GPR158: variants seen among roughly 807,000 people sequenced by gnomAD.
GPR158 encodes G protein-coupled receptor 158, also known as metabotropic glycine receptor.
A neutral mutation model predicts 78.2 loss-of-function variants in GPR158; 30 were observed. That is an observed-to-expected ratio of 0.38 (90% confidence interval 0.29 to 0.52). The LOEUF is 0.52. GPR158 is among the 20% of genes least tolerant of loss of function. GPR158 has a pLI of 0.83. For synonymous variants in GPR158, 581 were observed against 591.1 expected (o/e 0.98, Z 0.25); for missense variants, 1,463 against 1,523.5 (o/e 0.96, Z 0.66).
intron 2 of GPR158, among the ~76,000 whole-genome samples, chr10:25,350,533 C>T (rs904589316): frequency 6.6e-6 from 1 of 151,988 alleles, no homozygotes; most frequent in Non-Finnish European, 1.5e-5. Context: ...CTTGACTTAG[C>T]CCCGTTGGTC....
intron 7 of GPR158, among the ~76,000 whole-genome samples, chr10:25,587,706 G>C (rs1837289609): frequency 6.6e-6 from 1 of 152,182 alleles, no homozygotes; most frequent in East Asian, 1.9e-4. Flanking sequence ...CTCATGGAGA[G>C]TTTGGAGTGA....
chr10:25,540,735 T>G (rs1330406476), intron 5 of GPR158, among the ~76,000 whole-genome samples: 1 of 150,788 alleles, frequency 6.6e-6, no homozygotes, highest in Non-Finnish European at 1.5e-5. Flanking sequence ...AGGTGGGAAT[T>G]GAACAATGAG....
chr10:25,198,458 C>A (rs961947536), intron 1 of GPR158, among the ~76,000 whole-genome samples: 9 of 152,106 alleles, frequency 5.9e-5, no homozygotes, highest in Admixed American at 2.0e-4. Context: ...TCAGGTCTTA[C>A]AATTTACATT....
At chr10:25,241,173 CTTTCTTTCT>C in intron 2 of GPR158, among the ~76,000 whole-genome samples, 2 of 98,606 alleles carry the variant, frequency 2.0e-5, no homozygotes, top group Non-Finnish European at 4.1e-5. Flanking sequence ...TTCTTTCTTT[CTTTCTTTCT>C]TTCTTTCCTT....
intron 2 of GPR158, among the ~76,000 whole-genome samples, chr10:25,252,588 G>T (rs1386216780): frequency 6.6e-6 from 1 of 151,706 alleles, no homozygotes; most frequent in Non-Finnish European, 1.5e-5. Flanking sequence ...AGGTGTCAGT[G>T]TGCCCCTGCT....
At chr10:25,255,202 T>C (rs1588761259) in intron 2 of GPR158, among the ~76,000 whole-genome samples, 1 of 152,350 alleles carries the variant, frequency 6.6e-6, no homozygotes, top group East Asian at 1.9e-4. Context: ...TTGACAATTA[T>C]AGCTGAATTT....
intron 2 of GPR158, among the ~76,000 whole-genome samples, chr10:25,295,350 G>A (rs1854496550): frequency 6.6e-6 from 1 of 152,216 alleles, no homozygotes; most frequent in African/African-American, 2.4e-5. Context: ...ATCAGCCAGA[G>A]TAACTGACTT....
intron 3 of GPR158, among the ~76,000 whole-genome samples, chr10:25,401,879 A>G (rs559647564): frequency 2.1e-3 from 326 of 152,290 alleles, no homozygotes; most frequent in Non-Finnish European, 3.3e-3. Flanking sequence ...TTCTTACACA[A>G]AATCATAATG....
At chr10:25,376,182 A>G (rs1410934) in intron 2 of GPR158, among the ~76,000 whole-genome samples, 100,032 of 151,296 alleles carry the variant, frequency 0.66, 34,134 homozygotes, top group Non-Finnish European at 0.75. Flanking sequence ...TATAAATGGT[A>G]TTGTGATTTT....
intron 2 of GPR158, among the ~76,000 whole-genome samples, chr10:25,370,763 T>G (rs1833976692): frequency 6.6e-6 from 1 of 150,526 alleles, no homozygotes; most frequent in Admixed American, 6.6e-5. Context: ...ATTTTGACAG[T>G]GGGGTGTTAA....
Position 25,286,360 on chromosome 10 carries a change from C to A in GPR158, c.1008+65203C>A, listed in dbSNP as rs78404970. Among the ~76,000 whole-genome samples the A allele has an allele frequency of 7.7e-3, 1,176 of 152,240 alleles. 12 individuals carry two copies. The highest frequency in any genetic ancestry group is 0.02 in the South Asian group (97 of 4,816). ...GTTTCCTTATTTGGCTCTGTCAAGT[C>A]TACTGATTAGACTATCAAAGGCATT... is the stretch of plus-strand genomic sequence containing the variant. On this transcript the variant is annotated intron_variant, in intron 2 of 10. Transcript: ENST00000376351.
chr10:25,185,157 A>G (rs1852664101), intron 1 of GPR158, among the ~76,000 whole-genome samples: 1 of 152,180 alleles, frequency 6.6e-6, no homozygotes, highest in Admixed American at 6.5e-5. Flanking sequence ...AGGGGAGCAC[A>G]TATGATACAT....
At chr10:25,479,205 A>C (rs1835629991) in intron 5 of GPR158, among the ~76,000 whole-genome samples, 1 of 152,098 alleles carries the variant, frequency 6.6e-6, no homozygotes, top group Admixed American at 6.6e-5. Flanking sequence ...GATCTTTCTA[A>C]AGTTAAAAAA....
At chr10:25,365,507 G>C (rs1308146750) in intron 2 of GPR158, among the ~76,000 whole-genome samples, 1 of 151,656 alleles carries the variant, frequency 6.6e-6, no homozygotes, top group East Asian at 1.9e-4. Flanking sequence ...AGTATTTGGT[G>C]CATGCAAACA....
chr10:25,433,568 TGTGCGCGCGCGC>T (rs1483132478), intron 4 of GPR158, among the ~76,000 whole-genome samples: 4 of 147,620 alleles, frequency 2.7e-5, no homozygotes, highest in South Asian at 2.2e-4. Flanking sequence ...TGTGTGTGTG[TGTGCGCGCGCGC>T]GTGCGCGTGC....
chr10:25,574,178 A>G (rs1169407442), intron 7 of GPR158, among the ~76,000 whole-genome samples: 1 of 150,230 alleles, frequency 6.7e-6, no homozygotes, highest in East Asian at 1.9e-4. Flanking sequence ...AAAAACCTCA[A>G]AATACATGAT....
At position 25,175,109 on chromosome 10, in the gene GPR158, T is replaced by C. The variant is rs1411342870; in HGVS notation, c.-312T>C. The C allele has an allele frequency of 1.9e-5, 5 of 266,260 alleles. No individual in the cohort carries two copies. Among genetic ancestry groups the C allele is most frequent in the Non-Finnish European group, 3.6e-5 (5 of 140,256 alleles). The allele number at this position is 266,260 out of a possible 1,614,324, so 16.5% of individuals were successfully genotyped here. On this transcript the variant is annotated 5_prime_UTR_variant, in exon 1 of 11. Transcript: ENST00000376351. The surrounding 1 kb of genome is among the most constrained non-coding windows in gnomAD (Gnocchi z 6.4). ...GCCGGGCCGAGAGACGGACTCGGGC[T>C]GACTCCAGCCGCTGGGAGCGCGAGG... is the stretch of plus-strand genomic sequence containing the variant.
At chr10:25,305,448 A>G (rs1214425809) in intron 2 of GPR158, among the ~76,000 whole-genome samples, 1 of 152,192 alleles carries the variant, frequency 6.6e-6, no homozygotes, top group Non-Finnish European at 1.5e-5. Context: ...GCCAACAGAT[A>G]ATTACAATAG....
chr10:25,427,742 T>G (rs1197148490), intron 4 of GPR158, among the ~76,000 whole-genome samples: 1 of 152,124 alleles, frequency 6.6e-6, no homozygotes, highest in African/African-American at 2.4e-5. Context: ...CACATCAAGT[T>G]CTTACATATG....
Sources: gnomAD v4.1 joint callset for allele counts (sites outside exome capture counted in the v4.1 genomes callset) on GRCh38, gnomAD v4.1.1 for gene constraint, Gnocchi (gnomAD v3.1) non-coding constraint, MANE v1.5 for transcripts, NCBI Gene and HGNC (gene_info 2026-07-23, HGNC 2026-07-21) for gene names.